FBXL20: variants seen among roughly 807,000 people sequenced by gnomAD.
The protein encoded by FBXL20 is F-box and leucine rich repeat protein 20, also known as F-box/LRR-repeat protein 20.
In FBXL20, 11 loss-of-function variants were observed where a neutral mutation model predicts 64.0. The observed-to-expected ratio is 0.17, with a 90% CI of 0.11 to 0.28. The LOEUF is 0.28. FBXL20 is among the 10% of genes least tolerant of loss of function. The pLI is 1.00. For missense variants in FBXL20, 303 were observed against 526.2 expected (o/e 0.58, Z 4.15); for synonymous variants, 184 against 189.0 (o/e 0.97, Z 0.22).
chr17:39,393,269 A>C (rs910806586), intron 1 of FBXL20, among the ~76,000 whole-genome samples: 3 of 152,090 alleles, frequency 2.0e-5, no homozygotes, highest in African/African-American at 7.2e-5. Context: ...AGCCTGGGCA[A>C]GAAGAGCGAA....
intron 2 of FBXL20, among the ~76,000 whole-genome samples, chr17:39,333,469 C>A (rs546185184): frequency 6.6e-6 from 1 of 152,154 alleles, no homozygotes; most frequent in Non-Finnish European, 1.5e-5. Flanking sequence ...CAGGCTGGAG[C>A]GCAGTGGCGT....
intron 2 of FBXL20, among the ~76,000 whole-genome samples, chr17:39,319,342 C>A (rs1275791904): frequency 6.6e-6 from 1 of 151,938 alleles, no homozygotes; most frequent in African/African-American, 2.4e-5. Context: ...ACTCTACATT[C>A]TAAGATTACC....
At chr17:39,329,036 G>C (rs192927407) in intron 2 of FBXL20, among the ~76,000 whole-genome samples, 37 of 152,188 alleles carry the variant, frequency 2.4e-4, no homozygotes, top group African/African-American at 8.9e-4. Context: ...CTGGGTGACA[G>C]AGCAAGACTC....
chr17:39,346,209 C>G (rs557117605), intron 1 of FBXL20, among the ~76,000 whole-genome samples: 6 of 151,992 alleles, frequency 3.9e-5, no homozygotes, highest in Admixed American at 3.3e-4. Flanking sequence ...ATGGTGTACA[C>G]CTGTAGTCCC....
intron 1 of FBXL20, among the ~76,000 whole-genome samples, chr17:39,379,082 C>T (rs1317173965): frequency 1.3e-5 from 2 of 149,974 alleles, no homozygotes; most frequent in Non-Finnish European, 3.0e-5. Context: ...ACAAAATTAG[C>T]TGGGGTGGTG....
intron 1 of FBXL20, among the ~76,000 whole-genome samples, chr17:39,396,596 C>CA (rs35394824): frequency 0.33 from 33,729 of 102,936 alleles, 5,287 homozygotes; most frequent in African/African-American, 0.51. Flanking sequence ...AACTCCGTCT[C>CA]AAAAAAAAAA....
At chr17:39,308,690 G>A (rs1460054458) in intron 2 of FBXL20, among the ~76,000 whole-genome samples, 3 of 150,558 alleles carry the variant, frequency 2.0e-5, no homozygotes, top group Non-Finnish European at 4.4e-5. Flanking sequence ...TCAGCCTCCT[G>A]AGTAGCTGGC....
intron 6 of FBXL20, among the ~76,000 whole-genome samples, chr17:39,288,156 G>A (rs992292803): frequency 1.1e-4 from 17 of 151,756 alleles, no homozygotes; most frequent in Admixed American, 4.6e-4. Context: ...TAGTAGAGAC[G>A]GGGTTTCACC....
Position 39,270,733 on chromosome 17 carries a change from G to A in FBXL20, c.888+63C>T. 6 of 1,370,882 alleles carry A rather than the reference G, an allele frequency of 4.4e-6. No homozygotes were observed. In the South Asian group the frequency reaches 5.1e-5, roughly 12 times the overall value. The allele number at this position is 1,370,882 out of a possible 1,614,324, so 84.9% of individuals were successfully genotyped here. On this transcript the variant is annotated intron_variant, in intron 11 of 14. Transcript: ENST00000264658. Reference sequence around the variant, plus strand: ...CATTTCCCTTGCTGCTTGTTCTTCTGAAATAAAAAGCCCTAATAAAACCTA... The same window carrying A: ...CATTTCCCTTGCTGCTTGTTCTTCTAAAATAAAAAGCCCTAATAAAACCTA...
At chr17:39,319,673 CA>C (rs71300077) in intron 2 of FBXL20, among the ~76,000 whole-genome samples, 13,042 of 47,056 alleles carry the variant, frequency 0.28, 492 homozygotes, top group African/African-American at 0.39. Context: ...GACTCCATAT[CA>C]AAAAAAAAAA....
intron 1 of FBXL20, among the ~76,000 whole-genome samples, chr17:39,386,884 C>T (rs1168537891): frequency 1.3e-5 from 2 of 152,162 alleles, no homozygotes; most frequent in Middle Eastern, 6.3e-3. Flanking sequence ...CTTATGTTAA[C>T]TCACCTCTGA....
intron 1 of FBXL20, among the ~76,000 whole-genome samples, chr17:39,350,243 AACT>A (rs548874752): frequency 1.3e-5 from 2 of 152,138 alleles, no homozygotes; most frequent in Admixed American, 6.6e-5. Flanking sequence ...TCATGCCTGT[AACT>A]TTGGGAGGCC....
rs192993474 is a variant in FBXL20 at position 39,255,083 on chromosome 17, T to G, written c.*6377A>C. On this transcript the variant is annotated 3_prime_UTR_variant, in exon 15 of 15. Coordinates refer to ENST00000264658, the MANE Select transcript of FBXL20 (RefSeq NM_032875.3). ...CAACTCAGCTTCACCTAAGAGGTTA[T>G]GTACTGACCTTCCTAACGATCAAAG... 6.6e-5 allele frequency: 10 copies of G among 152,350 alleles called. No individual in the cohort carries two copies. The highest frequency in any genetic ancestry group is 2.4e-4 in the African/African-American group (10 of 41,574). 9.4% of individuals were successfully genotyped at this position (152,350 alleles called of 1,614,324 possible). A position where few individuals can be genotyped will look rare whatever the true frequency, so the allele number is the denominator to read the frequency against.
chr17:39,316,429 A>G (rs919444191), intron 2 of FBXL20, among the ~76,000 whole-genome samples: 2 of 152,016 alleles, frequency 1.3e-5, no homozygotes, highest in African/African-American at 2.4e-5. Flanking sequence ...TTTCTAGTAG[A>G]AGGAATCAGG....
chr17:39,341,039 G>T (rs1194709387), intron 2 of FBXL20, among the ~76,000 whole-genome samples: 2 of 150,590 alleles, frequency 1.3e-5, no homozygotes, highest in African/African-American at 4.9e-5. Flanking sequence ...TCATCATGGG[G>T]TTTAAACAAA....
chr17:39,304,604 T>A lies in FBXL20; in HGVS notation c.105-965A>T, dbSNP rs140074309. Among the ~76,000 whole-genome samples the A allele has an allele frequency of 2.8e-3, 428 of 152,242 alleles. 2 individuals are homozygous for A. The Middle Eastern group carries it at 0.065, about 23-fold the overall frequency. On this transcript the variant is annotated intron_variant, in intron 2 of 14. Coordinates refer to ENST00000264658, the MANE Select transcript of FBXL20 (RefSeq NM_032875.3). Reference sequence around the variant, plus strand: ...CATGCTTGGATGGGAAGGATTTTTTTATTTGAAACAAGGTCTTGCTCCTGT... The same window carrying A: ...CATGCTTGGATGGGAAGGATTTTTTAATTTGAAACAAGGTCTTGCTCCTGT...
At chr17:39,298,901 A>G (rs1393678828) in intron 5 of FBXL20, 89 bp downstream of exon 5, 2 of 980,324 alleles carry the variant, frequency 2.0e-6, no homozygotes, top group Admixed American at 2.1e-5. Flanking sequence ...TTAATAACTT[A>G]GGAATTTTAA....
intron 6 of FBXL20, among the ~76,000 whole-genome samples, chr17:39,289,945 G>C (rs1459957296): frequency 7.4e-6 from 1 of 135,416 alleles, no homozygotes; most frequent in Non-Finnish European, 1.5e-5. Flanking sequence ...GTTGCAGTTA[G>C]CTGAGACTGT....
chr17:39,331,329 G>A (rs1421503276), intron 2 of FBXL20, among the ~76,000 whole-genome samples: 1 of 152,156 alleles, frequency 6.6e-6, no homozygotes, highest in African/African-American at 2.4e-5. Context: ...TCGAACTCCT[G>A]GACTCAGATT....
Sources: allele counts gnomAD v4.1 joint callset (sites outside exome capture counted in the v4.1 genomes callset), GRCh38; gene constraint gnomAD v4.1.1; transcripts MANE v1.5; gene names NCBI Gene and HGNC (gene_info 2026-07-23, HGNC 2026-07-21).